The following ADGRF5 variants were observed in gnomAD, a reference collection of about 807,000 sequenced individuals.
ADGRF5 encodes G-protein coupled receptor 116.
In ADGRF5, 75 loss-of-function variants were observed where a neutral mutation model predicts 132.3. That is an observed-to-expected ratio of 0.57 (90% CI 0.47 to 0.69). The LOEUF (loss-of-function observed/expected upper bound fraction) is 0.69. Among genes scored for constraint, ADGRF5 ranks in the 30% least tolerant of loss-of-function variants. ADGRF5 has a pLI of 0.00. For missense variants in ADGRF5, 1,516 were observed against 1,630.6 expected (o/e 0.93, Z 1.21); for synonymous variants, 629 against 597.6 (o/e 1.05, Z -0.77).
chr6:46,922,128 A>G (rs1235220879), upstream of ADGRF5, among the ~76,000 whole-genome samples: 1 of 152,194 alleles, frequency 6.6e-6, no homozygotes, highest in Non-Finnish European at 1.5e-5. Flanking sequence ...TTCTCCAAAG[A>G]AAAAAATCAG....
chr6:46,876,189 A>C (rs1306750009), intron 10 of ADGRF5, among the ~76,000 whole-genome samples: 1 of 152,232 alleles, frequency 6.6e-6, no homozygotes, highest in Non-Finnish European at 1.5e-5. Context: ...CAGGGTGCCA[A>C]GGCAGAGGCT....
chr6:46,867,246 A>AGGAAT (rs1387952552), intron 12 of ADGRF5, 109 bp from the exon 13 acceptor site: 1 of 654,102 alleles, frequency 1.5e-6, no homozygotes, highest in Non-Finnish European at 2.7e-6. Context: ...GCTTTAGTAA[A>AGGAAT]GGAATACCAC....
At position 46,881,608 on chromosome 6, in the gene ADGRF5, A is replaced by G; in HGVS notation, c.672-11T>C. The G allele has an allele frequency of 6.2e-7, 1 of 1,612,382 alleles. No homozygotes were observed. The highest frequency in any genetic ancestry group is 2.2e-5 in the East Asian group (1 of 44,878). ...ACCACACTTCCAGACCTGGACAGAG[A>G]CCACTCAGTTCAGTAAAACAATAAC... On this transcript the variant is annotated splice_polypyrimidine_tract_variant and intron_variant, in intron 7 of 20. Coordinates refer to ENST00000283296, the MANE Select transcript of ADGRF5 (RefSeq NM_001098518.2).
At position 46,853,202 on chromosome 6, in the gene ADGRF5, T is replaced by G. The variant is rs556463351; in HGVS notation, c.*790A>C. ...CAGATACATTCACTTAGTTCAAACCTTAACATACAAAGTTAGTCTCAGGAG... is the reference window on the plus strand; with the variant it reads ...CAGATACATTCACTTAGTTCAAACCGTAACATACAAAGTTAGTCTCAGGAG... On this transcript the variant is annotated 3_prime_UTR_variant, in exon 21 of 21. Transcript: ENST00000283296. 2.6e-5 allele frequency: 4 copies of G among 152,420 alleles called. No individual in the cohort carries two copies. Among genetic ancestry groups the G allele is most frequent in the African/African-American group, 7.2e-5 (3 of 41,578 alleles). The allele number at this position is 152,420 out of a possible 1,614,324, so 9.4% of individuals were successfully genotyped here. A position where few individuals can be genotyped will look rare whatever the true frequency, so the allele number is the denominator to read the frequency against.
rs1302980649 is a variant in ADGRF5 at position 46,853,060 on chromosome 6, T to C, written c.*932A>G. The C allele has an allele frequency of 6.6e-6, 1 of 152,638 alleles. No individual in the cohort carries two copies. The highest frequency in any genetic ancestry group is 1.5e-5 in the Non-Finnish European group (1 of 68,042). 9.5% of individuals were successfully genotyped at this position (152,638 alleles called of 1,614,324 possible). A position where few individuals can be genotyped will look rare whatever the true frequency, so the allele number is the denominator to read the frequency against. ...TTTGGCAATTGAAGGGTATATCAAA[T>C]ATATATTTTTTGCTTTCAAAATGTG... On this transcript the variant is annotated 3_prime_UTR_variant, in exon 21 of 21. Transcript: ENST00000283296.
chr6:46,932,999 C>T (rs549961737), intron 1 of ADGRF5, among the ~76,000 whole-genome samples: 4 of 152,194 alleles, frequency 2.6e-5, no homozygotes, highest in Admixed American at 6.5e-5. Flanking sequence ...AAGAAATGGC[C>T]AAAAATAAGA....
chr6:46,864,949 A>G (rs1581751260), intron 14 of ADGRF5, 93 bp downstream of exon 14: 3 of 836,280 alleles, frequency 3.6e-6, no homozygotes, highest in East Asian at 4.9e-5. Context: ...TATTTAACAT[A>G]TGTTTATTGA....
At chr6:46,895,345 A>G (rs1473250941) in intron 3 of ADGRF5, among the ~76,000 whole-genome samples, 1 of 152,030 alleles carries the variant, frequency 6.6e-6, no homozygotes, top group African/African-American at 2.4e-5. Context: ...TGAAAGCACC[A>G]GGTCTTCTAT....
intron 2 of ADGRF5, among the ~76,000 whole-genome samples, chr6:46,903,885 T>C (rs1051350274): frequency 2.6e-5 from 4 of 152,174 alleles, no homozygotes; most frequent in African/African-American, 9.7e-5. Context: ...GGGTTGCATG[T>C]AGAACATTGA....
chr6:46,873,616 G>T (rs1771327215), intron 10 of ADGRF5, among the ~76,000 whole-genome samples: 1 of 151,220 alleles, frequency 6.6e-6, no homozygotes, highest in African/African-American at 2.4e-5. Flanking sequence ...TATTCTCTCT[G>T]CAGGCAATCT....
intron 11 of ADGRF5, 102 bp downstream of exon 11, chr6:46,871,741 C>T: frequency 1.4e-6 from 1 of 739,472 alleles, no homozygotes; most frequent in Non-Finnish European, 2.2e-6. Flanking sequence ...CCTCTCTGTC[C>T]ATTATTTTGC....
chr6:46,933,221 C>T (rs1200457476), intron 1 of ADGRF5, among the ~76,000 whole-genome samples: 1 of 152,194 alleles, frequency 6.6e-6, no homozygotes, highest in African/African-American at 2.4e-5. Flanking sequence ...TTAGCAAGGT[C>T]TTGGTACCCA....
At chr6:46,906,919 C>A in intron 1 of ADGRF5, 133 bp from the exon 2 acceptor site, 2 of 637,656 alleles carry the variant, frequency 3.1e-6, no homozygotes, top group Non-Finnish European at 2.8e-6. Flanking sequence ...GAAGGAGGAG[C>A]ATGAAGGAAT....
Position 46,884,265 on chromosome 6 carries a change from C to A in ADGRF5, c.335G>T (p.Arg112Ile). 6.2e-7 allele frequency: 1 copy of A among 1,613,040 alleles called. No individual in the cohort carries two copies. The change falls in exon 5 of 21, where the codon AGA becomes ATA. Residue 112 changes from arginine (R) to isoleucine (I), a missense_variant. By Grantham distance (97) the Arg-to-Ile change is moderately conservative. Transcript: ENST00000283296. The part of the protein sequence containing the change: ...ILSINVTTVC[R>I]PAGNEIWCSC... ...GCACCAGATTTCATTTCCAGCAGGT[C>A]TGCAGACTATCGTTAATCAGAACAG...
intron 20 of ADGRF5, 111 bp downstream of exon 20, chr6:46,855,863 G>A (rs1289556136): frequency 8.6e-6 from 6 of 696,166 alleles, no homozygotes; most frequent in African/African-American, 1.8e-5. Context: ...CCCAAAAGAG[G>A]ACATTTCAGG....
intron 17 of ADGRF5, among the ~76,000 whole-genome samples, chr6:46,857,443 T>C (rs1288206071): frequency 1.3e-5 from 2 of 152,178 alleles, no homozygotes; most frequent in Non-Finnish European, 2.9e-5. Context: ...TTTTTTTCTA[T>C]CCTTACCACC....
intron 16 of ADGRF5, among the ~76,000 whole-genome samples, chr6:46,860,031 G>A (rs1261402354): frequency 6.6e-6 from 1 of 152,012 alleles, no homozygotes; most frequent in Non-Finnish European, 1.5e-5. Context: ...CATCTTTCCT[G>A]CTGTCCACTG....
chr6:46,869,489 A>C, intron 11 of ADGRF5: 3 of 444,892 alleles, frequency 6.7e-6, no homozygotes, highest in Non-Finnish European at 8.9e-6. Context: ...AACAATCTCA[A>C]TCTCTACTCT....
intron 2 of ADGRF5, among the ~76,000 whole-genome samples, chr6:46,902,951 C>T (rs924072471): frequency 3.9e-5 from 6 of 152,218 alleles, no homozygotes; most frequent in African/African-American, 1.4e-4. Flanking sequence ...AAGTGAATCC[C>T]ACAGTTTCAG....
Sources: gnomAD v4.1 joint callset for allele counts (sites outside exome capture counted in the v4.1 genomes callset) on GRCh38, gnomAD v4.1.1 for gene constraint, MANE v1.5 for transcripts, NCBI Gene and HGNC (gene_info 2026-07-23, HGNC 2026-07-21) for gene names.